Variants in DLGAP4 observed in about 807,000 individuals in gnomAD.
DLGAP4 encodes the protein DLG associated protein 4, also known as disks large-associated protein 4.
DLGAP4 carries 18 observed loss-of-function variants against 86.9 expected under a neutral mutation model. That is an observed-to-expected ratio of 0.21 (90% CI 0.14 to 0.31). The LOEUF (loss-of-function observed/expected upper bound fraction) is 0.31, where lower values mean the gene tolerates loss of function less well. Ranked by LOEUF, DLGAP4 falls within the 10% of genes least tolerant of loss-of-function variation. DLGAP4 has a pLI of 1.00. For missense variants in DLGAP4, 1,085 were observed against 1,362.6 expected (o/e 0.80, Z 3.21); for synonymous variants, 548 against 574.3 (o/e 0.95, Z 0.65).
chr20:36,507,533 C>A (rs2036446881), intron 10 of DLGAP4, among the ~76,000 whole-genome samples: 1 of 152,040 alleles, frequency 6.6e-6, no homozygotes, highest in South Asian at 2.1e-4. Flanking sequence ...CAGCCGTGGC[C>A]ACAAGTTTTA....
intron 2 of DLGAP4, among the ~76,000 whole-genome samples, chr20:36,377,450 A>G (rs527352452): frequency 2.2e-4 from 33 of 152,326 alleles, no homozygotes; most frequent in African/African-American, 7.9e-4. Flanking sequence ...TTTAAGTGAA[A>G]TCATCCAAAT....
intron 2 of DLGAP4, among the ~76,000 whole-genome samples, chr20:36,391,742 G>A (rs537861023): frequency 1.7e-4 from 26 of 152,328 alleles, no homozygotes; most frequent in African/African-American, 6.0e-4. Flanking sequence ...TGGGGGGTAG[G>A]ATTCCATGAG....
rs148314743 is a variant in DLGAP4 at position 36,425,405 on chromosome 20, C to T, written c.-72-6241C>T. 6.6e-5 allele frequency among the ~76,000 whole-genome samples: 10 copies of T among 152,208 alleles called. No homozygotes were observed. The East Asian group carries it at 1.9e-3, about 29-fold the overall frequency. On this transcript the variant is annotated intron_variant, in intron 2 of 12. Coordinates refer to ENST00000339266, the MANE Select transcript of DLGAP4 (RefSeq NM_001365621.2). Reference sequence around the variant, plus strand: ...TACCAGTTCACACCTACTAGGATGACTATAATTTTTTTAAAAAGGAAATAA... The same window carrying T: ...TACCAGTTCACACCTACTAGGATGATTATAATTTTTTTAAAAAGGAAATAA...
intron 1 of DLGAP4, among the ~76,000 whole-genome samples, chr20:36,315,007 T>A (rs1281882624): frequency 2.5e-4 from 2 of 8,012 alleles, no homozygotes; most frequent in African/African-American, 4.1e-4. Context: ...ATGGTGTGTG[T>A]GGTGCGTGTG....
intron 2 of DLGAP4, among the ~76,000 whole-genome samples, chr20:36,413,656 T>C (rs2032571746): frequency 6.6e-6 from 1 of 151,598 alleles, no homozygotes; most frequent in African/African-American, 2.4e-5. Context: ...CCTGACCTCG[T>C]GATCCACCCT....
chr20:36,335,159 G>A (rs1216850065), intron 1 of DLGAP4, among the ~76,000 whole-genome samples: 1 of 152,180 alleles, frequency 6.6e-6, no homozygotes, highest in Non-Finnish European at 1.5e-5. Flanking sequence ...GATGGGGGCT[G>A]TGAAGCCTTC....
intron 11 of DLGAP4, among the ~76,000 whole-genome samples, chr20:36,525,254 A>AAAAAAAAAAAC (rs1569527332): frequency 3.2e-5 from 2 of 62,550 alleles, no homozygotes; most frequent in East Asian, 5.6e-4. Context: ...AAAAAAAAAA[A>AAAAAAAAAAAC]CAAAGAAATC....
chr20:36,415,371 A>G (rs1245880512), intron 2 of DLGAP4, among the ~76,000 whole-genome samples: 1 of 152,076 alleles, frequency 6.6e-6, no homozygotes, highest in Non-Finnish European at 1.5e-5. Context: ...GCTGCCACCA[A>G]TATGTTGTGT....
intron 1 of DLGAP4, among the ~76,000 whole-genome samples, chr20:36,348,414 C>T (rs1032374358): frequency 2.6e-5 from 4 of 151,834 alleles, no homozygotes; most frequent in African/African-American, 9.7e-5. Flanking sequence ...GCAGAGCTTA[C>T]TTTCTTTTTT....
At chr20:36,498,641 A>G (rs2035989389) in intron 8 of DLGAP4, 1 of 152,656 alleles carries the variant, frequency 6.6e-6, no homozygotes, top group East Asian at 1.9e-4. Context: ...ATGTGGCTGC[A>G]TCCCTGTCCC....
At position 36,431,607 on chromosome 20, in the gene DLGAP4, C is replaced by CA; in HGVS notation, c.-72-38dup. On this transcript the variant is annotated intron_variant, in intron 2 of 12. Transcript: ENST00000339266. This position sits in a 1 kb window ranked among gnomAD's most constrained non-coding sequence, Gnocchi z 5.1. ...TTCCCGGCACCCCTCCCCGACAATC[C>CA]AGCTGACCAGCTGACCGCTTTCTGT... 3 of 1,277,678 alleles carry CA rather than the reference C, an allele frequency of 2.3e-6. No homozygotes were observed. The highest frequency in any genetic ancestry group is 3.2e-6 in the Non-Finnish European group (3 of 944,220). The allele number at this position is 1,277,678 out of a possible 1,614,324, so 79.1% of individuals were successfully genotyped here. A position where few individuals can be genotyped will look rare whatever the true frequency, so the allele number is the denominator to read the frequency against.
chr20:36,500,310 C>A lies in DLGAP4; in HGVS notation c.2211C>A (p.Thr737=). ...CTGAGAGGAGCCTCCCGGACTGTAC[C>A]CCTCACCCCAACTCCATCAGCATCG... The part of the protein sequence containing the change: ...KSSERSLPDC[T]PHPNSISIDA... Residue 737 remains threonine, a synonymous_variant, in exon 10 of 13, where the codon ACC becomes ACA. Coordinates refer to ENST00000339266, the MANE Select transcript of DLGAP4 (RefSeq NM_001365621.2). The surrounding 1 kb of genome is among the most constrained non-coding windows in gnomAD (Gnocchi z 4.6). The A allele has an allele frequency of 6.2e-7, 1 of 1,613,996 alleles. No homozygotes were observed. Among genetic ancestry groups the A allele is most frequent in the Non-Finnish European group, 8.5e-7 (1 of 1,179,902 alleles).
intron 1 of DLGAP4, among the ~76,000 whole-genome samples, chr20:36,337,841 T>A (rs1420170580): frequency 1.3e-5 from 2 of 152,176 alleles, no homozygotes; most frequent in Non-Finnish European, 2.9e-5. Flanking sequence ...CTGTGACCCC[T>A]CCTGATGGAT....
intron 7 of DLGAP4, chr20:36,462,522 T>G: frequency 6.2e-7 from 1 of 1,601,242 alleles, no homozygotes. Flanking sequence ...CTCTCCCTTT[T>G]TCTGTCTTTG....
chr20:36,346,190 C>T (rs1555892959), intron 1 of DLGAP4, among the ~76,000 whole-genome samples: 1 of 152,214 alleles, frequency 6.6e-6, no homozygotes. Context: ...CACTGGGATC[C>T]AGGGCTCTAT....
At position 36,451,082 on chromosome 20, in the gene DLGAP4, G is replaced by A. The variant is rs2147588707; in HGVS notation, c.1648+4145G>A. 2.0e-5 allele frequency among the ~76,000 whole-genome samples: 3 copies of A among 152,318 alleles called. 1 individual carries two copies. The Middle Eastern group carries it at 0.01, about 518-fold the overall frequency. On this transcript the variant is annotated intron_variant, in intron 7 of 12. Transcript: ENST00000339266. ...TTGCTTCCTTCCTAAAGAAAGTTAG[G>A]GAGCTAGATGTCTTTTGCATCTTGA...
At chr20:36,354,575 T>G (rs2030264774) in intron 1 of DLGAP4, among the ~76,000 whole-genome samples, 1 of 152,064 alleles carries the variant, frequency 6.6e-6, no homozygotes, top group Non-Finnish European at 1.5e-5. Flanking sequence ...CTATCTGGAG[T>G]TGACCCTCGT....
rs141239496 is a variant in DLGAP4, at chr20:36,325,280, GTTAA to G, written c.-304+18771_-304+18774del. On this transcript the variant is annotated intron_variant, in intron 1 of 12. Coordinates refer to ENST00000339266, the MANE Select transcript of DLGAP4 (RefSeq NM_001365621.2). ...TTGAGGATTTTTCAGGGATCTTTCT[GTTAA>G]TTGTTTTTAGTTTAATTCCACTGAG... 8.3e-3 allele frequency among the ~76,000 whole-genome samples: 1,268 copies of G among 152,026 alleles called. 17 individuals carry two copies. Among genetic ancestry groups the G allele is most frequent in the African/African-American group, 0.029 (1,202 of 41,462 alleles).
At chr20:36,319,658 A>G (rs73905330) in intron 1 of DLGAP4, among the ~76,000 whole-genome samples, 151,684 of 152,284 alleles carry the variant, frequency 1, 75,545 homozygotes, top group Middle Eastern at 1. Flanking sequence ...TGGTCCAAAG[A>G]CCTCAGGGGT....
Sources: allele counts gnomAD v4.1 joint callset (sites outside exome capture counted in the v4.1 genomes callset), GRCh38; gene constraint gnomAD v4.1.1; non-coding constraint Gnocchi (gnomAD v3.1); transcripts MANE v1.5; gene names NCBI Gene and HGNC (gene_info 2026-07-23, HGNC 2026-07-21).